The following CNTNAP2 variants were observed in gnomAD, a reference collection of about 807,000 sequenced individuals.
The protein encoded by CNTNAP2 is contactin associated protein 2.
In CNTNAP2, 98 loss-of-function variants were observed where a neutral mutation model predicts 155.2. The ratio of observed to expected loss-of-function variants is 0.63; its 90% CI spans 0.54 to 0.75. The LOEUF (loss-of-function observed/expected upper bound fraction) is 0.75. Ranked by LOEUF, CNTNAP2 falls within the 30% of genes least tolerant of loss-of-function variation. CNTNAP2 has a pLI of 0.00. For missense variants in CNTNAP2, 1,727 were observed against 1,688.1 expected (o/e 1.02, Z -0.40); for synonymous variants, 651 against 631.2 (o/e 1.03, Z -0.47).
chr7:147,210,698 T>C (rs1227579591), intron 8 of CNTNAP2, among the ~76,000 whole-genome samples: 2 of 151,998 alleles, frequency 1.3e-5, no homozygotes, highest in Non-Finnish European at 2.9e-5. Context: ...TAATTTGAGA[T>C]ATTTCTAATT....
chr7:148,184,954 C>A (rs1261413813), intron 18 of CNTNAP2, among the ~76,000 whole-genome samples: 1 of 152,200 alleles, frequency 6.6e-6, no homozygotes, highest in Non-Finnish European at 1.5e-5. Flanking sequence ...GTTTATTAAT[C>A]ATTGAGTCAC....
At chr7:147,314,002 A>G (rs111553736) in intron 9 of CNTNAP2, among the ~76,000 whole-genome samples, 12 of 151,896 alleles carry the variant, frequency 7.9e-5, no homozygotes, top group African/African-American at 2.2e-4. Context: ...TGGATTCCTA[A>G]GTATTTTATT....
chr7:147,510,650 A>G (rs1015857735), intron 11 of CNTNAP2, among the ~76,000 whole-genome samples: 1 of 151,618 alleles, frequency 6.6e-6, no homozygotes, highest in Admixed American at 6.6e-5. Context: ...CAAAAGTTTA[A>G]TGGTTCATAA....
At position 147,002,759 on chromosome 7, in the gene CNTNAP2, GA is replaced by G. The variant is rs554873018; in HGVS notation, c.403-41146del. ...TCTAGCTGTGTCCTTACATGTGGAA[GA>G]ATCTAACTTGCTCTATTGGGTCTCT... On this transcript the variant is annotated intron_variant, in intron 3 of 23. Transcript: ENST00000361727. 2.0e-5 allele frequency among the ~76,000 whole-genome samples: 3 copies of G among 151,900 alleles called. No homozygotes were observed. In the South Asian group the frequency reaches 6.2e-4, roughly 32 times the overall value.
chr7:147,273,957 T>G (rs1804828102), intron 8 of CNTNAP2, among the ~76,000 whole-genome samples: 1 of 148,246 alleles, frequency 6.7e-6, no homozygotes, highest in African/African-American at 2.5e-5. Context: ...ATGTAATATA[T>G]TACATAACAT....
chr7:146,417,416 CT>C (rs1795953154), intron 1 of CNTNAP2, among the ~76,000 whole-genome samples: 1 of 152,096 alleles, frequency 6.6e-6, no homozygotes, highest in Admixed American at 6.6e-5. Flanking sequence ...AAGTACCTCT[CT>C]GGTAAGAAGA....
intron 8 of CNTNAP2, among the ~76,000 whole-genome samples, chr7:147,205,078 C>T (rs1802995003): frequency 6.6e-6 from 1 of 151,986 alleles, no homozygotes; most frequent in African/African-American, 2.4e-5. Flanking sequence ...TAATGTGATG[C>T]CTCCAGCTTT....
chr7:146,232,800 T>C (rs1057249137), intron 1 of CNTNAP2, among the ~76,000 whole-genome samples: 7 of 152,116 alleles, frequency 4.6e-5, no homozygotes, highest in African/African-American at 1.7e-4. Flanking sequence ...CATTGACATT[T>C]GACGTTGACA....
At chr7:148,265,107 G>C (rs934817762) in intron 20 of CNTNAP2, among the ~76,000 whole-genome samples, 1 of 152,230 alleles carries the variant, frequency 6.6e-6, no homozygotes, top group Non-Finnish European at 1.5e-5. Flanking sequence ...TTTAACAAAA[G>C]AGAGTAAGTA....
intron 13 of CNTNAP2, among the ~76,000 whole-genome samples, chr7:147,688,027 G>A (rs529507747): frequency 3.9e-5 from 6 of 152,146 alleles, no homozygotes; most frequent in Admixed American, 6.5e-5. Flanking sequence ...CCCTGCTGAC[G>A]GAATCTATGC....
At chr7:148,206,469 G>C (rs571640777) in intron 18 of CNTNAP2, among the ~76,000 whole-genome samples, 1 of 151,916 alleles carries the variant, frequency 6.6e-6, no homozygotes, top group African/African-American at 2.4e-5. Context: ...TTATTTCAAG[G>C]TATATTGGTC....
At chr7:146,137,041 T>C (rs555412153) in intron 1 of CNTNAP2, among the ~76,000 whole-genome samples, 61 of 152,164 alleles carry the variant, frequency 4.0e-4, no homozygotes, top group Non-Finnish European at 7.2e-4. Context: ...AAGGGGAAAA[T>C]GTTGGATACA....
At chr7:147,302,010 C>G (rs746572005) in intron 9 of CNTNAP2, among the ~76,000 whole-genome samples, 10 of 152,046 alleles carry the variant, frequency 6.6e-5, no homozygotes, top group Non-Finnish European at 1.2e-4. Flanking sequence ...GAAGTTAAGA[C>G]TACATGATTT....
intron 3 of CNTNAP2, among the ~76,000 whole-genome samples, chr7:146,841,107 C>G (rs1397864753): frequency 6.6e-6 from 1 of 152,296 alleles, no homozygotes; most frequent in Middle Eastern, 3.4e-3. Flanking sequence ...AACTTTAAAA[C>G]ATATAGACCC....
intron 4 of CNTNAP2, among the ~76,000 whole-genome samples, chr7:147,059,840 G>T (rs1022357868): frequency 3.9e-5 from 6 of 152,092 alleles, no homozygotes; most frequent in African/African-American, 1.4e-4. Context: ...TTCTACCAAA[G>T]CATGTTACCT....
At chr7:147,042,183 A>G (rs948344451) in intron 3 of CNTNAP2, among the ~76,000 whole-genome samples, 4 of 152,186 alleles carry the variant, frequency 2.6e-5, no homozygotes, top group Non-Finnish European at 4.4e-5. Context: ...GTGTATGGCT[A>G]TTTTTAAAAG....
At chr7:148,126,853 C>T (rs1804727554) in intron 16 of CNTNAP2, among the ~76,000 whole-genome samples, 1 of 152,104 alleles carries the variant, frequency 6.6e-6, no homozygotes, top group Admixed American at 6.5e-5. Flanking sequence ...GTTCGCCTGG[C>T]CCCAAGATAT....
chr7:147,495,281 A>C (rs140824791), intron 11 of CNTNAP2, among the ~76,000 whole-genome samples: 48 of 152,344 alleles, frequency 3.2e-4, no homozygotes, highest in African/African-American at 1.1e-3. Context: ...ACTAATTGTT[A>C]AATATTCAAA....
intron 3 of CNTNAP2, among the ~76,000 whole-genome samples, chr7:146,998,981 A>AT (rs933803191): frequency 5.9e-5 from 9 of 151,840 alleles, no homozygotes; most frequent in East Asian, 1.9e-4. Context: ...TCATTAGAGA[A>AT]TTTTTTTATT....
Sources: allele counts gnomAD v4.1 joint callset (sites outside exome capture counted in the v4.1 genomes callset), GRCh38; gene constraint gnomAD v4.1.1; transcripts MANE v1.5; gene names NCBI Gene and HGNC (gene_info 2026-07-23, HGNC 2026-07-21).